DOK7: variants seen among roughly 807,000 people sequenced by gnomAD.
The protein encoded by DOK7 is docking protein 7.
DOK7 carries 32 observed loss-of-function variants against 30.7 expected under a neutral mutation model. That is an observed-to-expected ratio of 1.04 (90% confidence interval 0.79 to 1.40). The LOEUF (loss-of-function observed/expected upper bound fraction) is 1.40. Among genes scored for constraint, DOK7 ranks in the 40% most tolerant of loss-of-function variants. The probability of loss-of-function intolerance (pLI) is 0.00; values close to 1 mark genes in which losing one functional copy is unlikely to be tolerated. For synonymous variants in DOK7, 447 were observed against 324.1 expected, an observed-to-expected ratio of 1.38 and a Z score of -4.07; for missense variants, 1,007 against 699.2, an observed-to-expected ratio of 1.44 and a Z score of -4.97.
chr4:3,501,145 A>C (rs375349469), exon 8 of DOK7: 6 of 389,302 alleles, frequency 1.5e-5, no homozygotes, highest in Admixed American at 4.3e-5. Flanking sequence ...GCTGCTGCCC[A>C]GGAGTTTGGG....
At chr4:3,494,566 C>T, downstream of DOK7, 1 of 971,368 alleles carries the variant, frequency 1.0e-6, no homozygotes, top group Non-Finnish European at 1.2e-6. Context: ...TGCGAAGTCC[C>T]CGGGCCCGGC....
At chr4:3,481,847 G>A (rs977766431) in intron 4 of DOK7, among the ~76,000 whole-genome samples, 6 of 152,154 alleles carry the variant, frequency 3.9e-5, no homozygotes, top group East Asian at 1.9e-4. Context: ...TTCTCAAGCC[G>A]GTGAGTCCTG....
At chr4:3,489,862 G>T in intron 6 of DOK7, 66 bp downstream of exon 6, 2 of 1,538,780 alleles carry the variant, frequency 1.3e-6, no homozygotes, top group South Asian at 2.4e-5. Flanking sequence ...AGCTCAGGAG[G>T]CATCCATGCA....
intron 4 of DOK7, chr4:3,484,856 A>G: frequency 1.0e-6 from 1 of 985,388 alleles, no homozygotes; most frequent in Non-Finnish European, 1.2e-6. Context: ...GCCGTGCCAC[A>G]CCTTTTACAA....
At position 3,499,991 on chromosome 4, in the gene DOK7, G is replaced by A. The variant is rs544147378; in HGVS notation, c.1109-260G>A. On this transcript the variant is annotated intron_variant, in intron 6 of 7. Transcript: ENST00000643608. ...GGTCGGCAATTCCTGCAGGGGAGGCGGCACAGTGGAGGGGACAGCGCTTCC... is the reference window on the plus strand; with the variant it reads ...GGTCGGCAATTCCTGCAGGGGAGGCAGCACAGTGGAGGGGACAGCGCTTCC... Among the ~76,000 whole-genome samples the A allele has an allele frequency of 2.2e-3, 336 of 151,980 alleles. 2 individuals carry two copies. Among genetic ancestry groups the A allele is most frequent in the African/African-American group, 7.7e-3 (317 of 41,434 alleles).
At chr4:3,500,175 G>C (rs918149656) in intron 6 of DOK7, 64 of 1,491,206 alleles carry the variant, frequency 4.3e-5, no homozygotes, top group Non-Finnish European at 5.5e-5. Flanking sequence ...AGGGTGGGCA[G>C]CTCTTTACTG....
intron 6 of DOK7, among the ~76,000 whole-genome samples, chr4:3,491,062 G>A (rs1401463817): frequency 1.3e-5 from 1 of 78,400 alleles, no homozygotes; most frequent in Non-Finnish European, 2.3e-5. Context: ...TTTTCCCCCG[G>A]CTCATTCCTT....
At chr4:3,492,572 T>G (rs1728546474) in intron 6 of DOK7, among the ~76,000 whole-genome samples, 187 bp from the exon 7 acceptor site, 1 of 147,334 alleles carries the variant, frequency 6.8e-6, no homozygotes, top group African/African-American at 2.5e-5. Flanking sequence ...AGAACAGGAG[T>G]GGATGAGGGG....
At position 3,463,453 on chromosome 4, in the gene DOK7, G is replaced by GA. The variant is rs1553844265; in HGVS notation, c.54+24_54+25insA. On this transcript the variant is annotated intron_variant, in intron 1 of 6. Transcript: ENST00000340083. ...AGGTCGGGGCGCGTCGGGGGCGCGG[G>GA]GGGGGGGGGCGCGGGCGCGGGCGGC... is the stretch of plus-strand genomic sequence containing the variant. 1 of 1,104,328 alleles carries GA rather than the reference G, an allele frequency of 9.1e-7. No individual in the cohort carries two copies. The highest frequency in any genetic ancestry group is 4.7e-5 in the Admixed American group (1 of 21,286). 68.4% of individuals were successfully genotyped at this position (1,104,328 alleles called of 1,614,324 possible).
chr4:3,485,518 GTC>G lies in DOK7; in HGVS notation c.533-17_533-16del. 2 of 1,587,136 alleles carry G rather than the reference GTC, an allele frequency of 1.3e-6. No individual in the cohort carries two copies. Among genetic ancestry groups the G allele is most frequent in the South Asian group, 2.3e-5 (2 of 87,842 alleles). On this transcript the variant is annotated intron_variant, in intron 4 of 6. Transcript: ENST00000340083. ...GCCCGCCCTCGGGCCAGACTGACCT[GTC>G]TCTGTCCTTCCTCTGCAGGGGCTGG...
chr4:3,498,508 T>C (rs1404747647), downstream of DOK7, among the ~76,000 whole-genome samples: 2 of 152,150 alleles, frequency 1.3e-5, no homozygotes, highest in South Asian at 2.1e-4. Flanking sequence ...CAGGGGGGTG[T>C]CCAGCCCCAC....
downstream of DOK7, among the ~76,000 whole-genome samples, chr4:3,494,642 G>A (rs560245092): frequency 2.0e-5 from 3 of 152,330 alleles, no homozygotes; most frequent in South Asian, 6.2e-4. Flanking sequence ...GGGCCTGAAT[G>A]CTGTGGTGTG....
intron 6 of DOK7, among the ~76,000 whole-genome samples, chr4:3,492,526 TAGG>T (rs1362209712): frequency 2.0e-5 from 3 of 151,298 alleles, no homozygotes; most frequent in East Asian, 3.9e-4. Flanking sequence ...GCGCAGGCCG[TAGG>T]AGAACAGGTG....
At chr4:3,465,797 C>T (rs530423544) in intron 2 of DOK7, among the ~76,000 whole-genome samples, 10 of 152,310 alleles carry the variant, frequency 6.6e-5, no homozygotes, top group African/African-American at 2.2e-4. Flanking sequence ...CTGCGGAATG[C>T]GTGTCTGCGT....
At chr4:3,480,395 G>C (rs767961362) in intron 4 of DOK7, among the ~76,000 whole-genome samples, 2 of 152,140 alleles carry the variant, frequency 1.3e-5, no homozygotes, top group Non-Finnish European at 2.9e-5. Context: ...ATCACCTGAG[G>C]TCAGGAGTTC....
intron 6 of DOK7, among the ~76,000 whole-genome samples, chr4:3,490,855 C>T (rs1179832627): frequency 3.8e-5 from 4 of 104,036 alleles, no homozygotes; most frequent in Non-Finnish European, 1.9e-5. Context: ...CCTTCCCCCC[C>T]ACTCATTTCA....
At position 3,469,094 on chromosome 4, in the gene DOK7, CTG is replaced by C. The variant is rs538128471; in HGVS notation, c.101-4305_101-4304del. Among the ~76,000 whole-genome samples the C allele has an allele frequency of 1.3e-4, 18 of 140,906 alleles. No individual in the cohort carries two copies. In the South Asian group the frequency reaches 2.3e-3, roughly 18 times the overall value. 92.4% of individuals were successfully genotyped at this position (140,906 alleles called of 152,430 possible). On this transcript the variant is annotated intron_variant, in intron 2 of 6. Transcript: ENST00000340083. ...TGTGCCTGAGTGTACATGTGTGTGCCTGTGTGTGCGTGCATGTATGTGTGCAC... is the reference window on the plus strand; with the variant it reads ...TGTGCCTGAGTGTACATGTGTGTGCCTGTGTGCGTGCATGTATGTGTGCAC...
rs2344209 is a variant in DOK7, at chr4:3,473,395, G to C, written c.101-11G>C. 1 of 1,609,954 alleles carries C rather than the reference G, an allele frequency of 6.2e-7. No individual in the cohort carries two copies. Among genetic ancestry groups the C allele is most frequent in the Non-Finnish European group, 8.5e-7 (1 of 1,179,408 alleles). ...GTTGGCTGGCGTCCCTGACGGCCAC[G>C]CTCCTTGCAGACTGCCTGCTGATGC... On this transcript the variant is annotated splice_polypyrimidine_tract_variant and intron_variant, in intron 2 of 6. Coordinates refer to ENST00000340083, the MANE Select transcript of DOK7 (RefSeq NM_173660.5).
rs373205256 is a variant in DOK7 at position 3,493,473 on chromosome 4, G to T, written c.1487G>T (p.Gly496Val). 222 of 1,611,124 alleles carry T rather than the reference G, an allele frequency of 1.4e-4. No individual in the cohort carries two copies. The highest frequency in any genetic ancestry group is 1.7e-4 in the Non-Finnish European group (203 of 1,179,336). ...PAFFSACPVC[G>V]GLKVNPPP ...TTCTTTTCGGCATGTCCAGTCTGTG[G>T]AGGACTCAAGGTAAACCCCCCTCCT... Residue 496 changes from glycine (G) to valine (V), a missense_variant, in exon 7 of 7, where the codon GGA becomes GTA. Physicochemically the swap from Gly to Val is moderately radical, Grantham distance 109. Coordinates refer to ENST00000340083, the MANE Select transcript of DOK7 (RefSeq NM_173660.5).
Sources: allele counts gnomAD v4.1 joint callset (sites outside exome capture counted in the v4.1 genomes callset), GRCh38; gene constraint gnomAD v4.1.1; transcripts MANE v1.5; gene names NCBI Gene and HGNC (gene_info 2026-07-23, HGNC 2026-07-21).